NDUFA11: variants seen among roughly 807,000 people sequenced by gnomAD.
NDUFA11 encodes NADH dehydrogenase [ubiquinone] 1 alpha subcomplex subunit 11.
Under a neutral mutation model 11.3 loss-of-function variants are expected in NDUFA11, and 14 were observed. The observed-to-expected ratio is 1.24, with a 90% CI of 0.82 to 1.94. The LOEUF (loss-of-function observed/expected upper bound fraction) is 1.94, where lower values mean the gene tolerates loss of function less well. NDUFA11 is among the 30% of genes most tolerant of loss of function. The pLI, the probability that NDUFA11 is intolerant of heterozygous loss-of-function variation, is 0.00. For synonymous variants in NDUFA11, 87 were observed against 85.6 expected, an observed-to-expected ratio of 1.02 and a Z score of -0.09; for missense variants, 204 against 200.3, an observed-to-expected ratio of 1.02 and a Z score of -0.11.
intron 1 of NDUFA11, chr19:5,901,151 C>A: frequency 2.3e-6 from 1 of 439,798 alleles, no homozygotes; most frequent in South Asian, 2.5e-5. Flanking sequence ...CAGCACCACA[C>A]CCCGAGACAA....
chr19:5,903,571 C>T, intron 1 of NDUFA11, 41 bp downstream of exon 1: 2 of 1,528,134 alleles, frequency 1.3e-6, no homozygotes, highest in Non-Finnish European at 8.8e-7. Flanking sequence ...GACCTCCCTG[C>T]GGCCTCGGCC....
At chr19:5,895,085 G>A in intron 3 of NDUFA11, 1 of 561,284 alleles carries the variant, frequency 1.8e-6, no homozygotes, top group South Asian at 2.2e-5. Flanking sequence ...CAGGCTGTGG[G>A]TCCTCATCCC....
At chr19:5,894,541 C>T, downstream of NDUFA11, 3 of 1,118,530 alleles carry the variant, frequency 2.7e-6, no homozygotes, top group Non-Finnish European at 3.8e-6. Flanking sequence ...CAGGCTGGTA[C>T]CCTTGGCAGG....
chr19:5,893,637 G>A (rs1599690515), downstream of NDUFA11, among the ~76,000 whole-genome samples: 1 of 152,224 alleles, frequency 6.6e-6, no homozygotes, highest in South Asian at 2.1e-4. The surrounding 1 kb of genome is among the most constrained non-coding windows in gnomAD (Gnocchi z 4.1). Flanking sequence ...AGGCATAGTG[G>A]CGGTGGCCAT....
At chr19:5,901,403 C>G (rs1299855841) in intron 1 of NDUFA11, 6 of 1,287,006 alleles carry the variant, frequency 4.7e-6, no homozygotes, top group African/African-American at 1.5e-5. Context: ...TGCAGCCCAG[C>G]TTCAAATGAC....
downstream of NDUFA11, chr19:5,892,688 C>G (rs1365469102): frequency 2.1e-6 from 1 of 481,436 alleles, no homozygotes; most frequent in Non-Finnish European, 3.4e-6. Flanking sequence ...CGGGTCCACA[C>G]TGCCCAGCAG....
downstream of NDUFA11, chr19:5,893,407 G>A (rs2057589508): frequency 1.7e-6 from 1 of 590,380 alleles, no homozygotes; most frequent in Non-Finnish European, 3.0e-6. The surrounding 1 kb of genome is among the most constrained non-coding windows in gnomAD (Gnocchi z 4.1). Context: ...CAAGGTTCCA[G>A]TGAGCCATGA....
intron 1 of NDUFA11, among the ~76,000 whole-genome samples, chr19:5,900,246 A>C (rs985163777): frequency 6.6e-6 from 1 of 152,138 alleles, no homozygotes; most frequent in Non-Finnish European, 1.5e-5. Flanking sequence ...TCCCACAGTG[A>C]CCGCCAGACC....
intron 1 of NDUFA11, among the ~76,000 whole-genome samples, chr19:5,897,984 G>A (rs59996701): frequency 0.013 from 1,965 of 152,252 alleles, 46 homozygotes; most frequent in African/African-American, 0.045. Flanking sequence ...CTACAGCCTC[G>A]AAACATAGCC....
downstream of NDUFA11, chr19:5,894,544 T>G: frequency 8.7e-7 from 1 of 1,152,740 alleles, no homozygotes; most frequent in Non-Finnish European, 1.2e-6. Context: ...GCTGGTACCC[T>G]TGGCAGGGAC....
At chr19:5,902,991 A>T (rs1210173843) in intron 1 of NDUFA11, among the ~76,000 whole-genome samples, 2 of 141,104 alleles carry the variant, frequency 1.4e-5, no homozygotes, top group South Asian at 2.3e-4. Flanking sequence ...AGCCCGGGCG[A>T]CAGAGCAAGG....
intron 1 of NDUFA11, chr19:5,901,350 C>T (rs1270531384): frequency 7.8e-7 from 1 of 1,286,912 alleles, no homozygotes. Context: ...GGGAACATTC[C>T]TTGCTTCAGA....
rs1599692334 is a variant in NDUFA11, at chr19:5,896,204, T to G, written c.313+249A>C. 1 of 569,808 alleles carries G rather than the reference T, an allele frequency of 1.8e-6. No individual in the cohort carries two copies. The highest frequency in any genetic ancestry group is 3.0e-6 in the Non-Finnish European group (1 of 329,276). The allele number at this position is 569,808 out of a possible 1,614,324, so 35.3% of individuals were successfully genotyped here. ...TGTACCTGGCATGTGGGAGGAGCAG[T>G]GAGGAGGCCCGTGTGGCTGGAGCAG... On this transcript the variant is annotated intron_variant, in intron 3 of 3. Transcript: ENST00000308961. This position sits in a 1 kb window ranked among gnomAD's most constrained non-coding sequence, Gnocchi z 5.8.
chr19:5,897,999 T>C (rs1262962931), intron 1 of NDUFA11, among the ~76,000 whole-genome samples: 1 of 152,134 alleles, frequency 6.6e-6, no homozygotes. Context: ...ATAGCCCAGT[T>C]GCAGGCAGGG....
rs1568430934 is a variant in NDUFA11, at chr19:5,896,615, C to T, written c.191-40G>A. 3.9e-6 allele frequency: 6 copies of T among 1,554,640 alleles called. No homozygotes were observed. Among genetic ancestry groups the T allele is most frequent in the Non-Finnish European group, 4.3e-6 (5 of 1,150,006 alleles). ...GGAAGAGCAAGGGCCTCGAGACGGG[C>T]ACAGCAGGAGCCTCTTGGGCGCTCA... is the stretch of plus-strand genomic sequence containing the variant. On this transcript the variant is annotated intron_variant, in intron 2 of 3. Coordinates refer to ENST00000308961, the MANE Select transcript of NDUFA11 (RefSeq NM_175614.5). The surrounding 1 kb of genome is among the most constrained non-coding windows in gnomAD (Gnocchi z 5.8).
chr19:5,899,371 C>A (rs2057630626), intron 1 of NDUFA11, among the ~76,000 whole-genome samples: 1 of 149,738 alleles, frequency 6.7e-6, no homozygotes, highest in Non-Finnish European at 1.5e-5. Flanking sequence ...GGATGGTCTC[C>A]ATCTCCTGAC....
chr19:5,901,418 G>C, intron 1 of NDUFA11: 1 of 1,287,090 alleles, frequency 7.8e-7, no homozygotes, highest in African/African-American at 1.5e-5. Flanking sequence ...AATGACCCTG[G>C]AGCAGTTAAT....
At position 5,894,732 on chromosome 19, in the gene NDUFA11, G is replaced by A; in HGVS notation, c.*10C>T. 1 of 1,612,034 alleles carries A rather than the reference G, an allele frequency of 6.2e-7. No individual in the cohort carries two copies. Among genetic ancestry groups the A allele is most frequent in the Non-Finnish European group, 8.5e-7 (1 of 1,179,150 alleles). On this transcript the variant is annotated 3_prime_UTR_variant, in exon 4 of 4. Transcript: ENST00000308961. The stretch of plus-strand genomic sequence containing the variant: ...ATTCTGCAGGCTGGAGGTCCCGGCA[G>A]GCACAGGGCTCACACCTTGGGTTTT...
At chr19:5,895,004 C>CT in intron 3 of NDUFA11, 150 bp from the exon 4 acceptor site, 1 of 900,462 alleles carries the variant, frequency 1.1e-6, no homozygotes, top group Non-Finnish European at 1.7e-6. Flanking sequence ...GAAGAGGGCC[C>CT]TAGACTCTGG....
Sources: allele counts gnomAD v4.1 joint callset (sites outside exome capture counted in the v4.1 genomes callset), GRCh38; gene constraint gnomAD v4.1.1; non-coding constraint Gnocchi (gnomAD v3.1); transcripts MANE v1.5; gene names NCBI Gene and HGNC (gene_info 2026-07-23, HGNC 2026-07-21).